The following PLA1A variants were observed in gnomAD, a reference collection of about 807,000 sequenced individuals.
The protein encoded by PLA1A is phosphatidylserine-specific phospholipase A1alpha.
PLA1A carries 47 observed loss-of-function variants against 49.4 expected under a neutral mutation model. That is an observed-to-expected ratio of 0.95 (90% confidence interval 0.75 to 1.21). The LOEUF (loss-of-function observed/expected upper bound fraction) is 1.21. PLA1A is among the 50% of genes most tolerant of loss of function. The pLI is 0.00. For synonymous variants in PLA1A, 224 were observed against 207.9 expected, an observed-to-expected ratio of 1.08 and a Z score of -0.67; for missense variants, 561 against 563.9, an observed-to-expected ratio of 0.99 and a Z score of 0.05.
chr3:119,606,576 A>G (rs2082691129), intron 1 of PLA1A, among the ~76,000 whole-genome samples, 198 bp from the exon 2 acceptor site: 1 of 152,228 alleles, frequency 6.6e-6, no homozygotes, highest in African/African-American at 2.4e-5. Flanking sequence ...GTCCTTAGGC[A>G]TGAAAAATAT....
chr3:119,625,428 A>G (rs1259264579), intron 9 of PLA1A, among the ~76,000 whole-genome samples, 196 bp downstream of exon 9: 3 of 152,202 alleles, frequency 2.0e-5, no homozygotes, highest in African/African-American at 7.2e-5. Flanking sequence ...GGGTCCAAGT[A>G]TAGCAGATTC....
intron 9 of PLA1A, among the ~76,000 whole-genome samples, chr3:119,626,179 A>C (rs901720500): frequency 1.3e-5 from 2 of 152,210 alleles, no homozygotes; most frequent in Admixed American, 1.3e-4. Context: ...TCCACAGGGA[A>C]GGCTGCTTGG....
intron 1 of PLA1A, among the ~76,000 whole-genome samples, chr3:119,604,503 G>A (rs2082660652): frequency 6.6e-6 from 1 of 152,156 alleles, no homozygotes; most frequent in Admixed American, 6.5e-5. Flanking sequence ...AGTGAAATAA[G>A]CCAAGCACAG....
chr3:119,613,190 C>T, intron 5 of PLA1A, 72 bp downstream of exon 5: 1 of 997,626 alleles, frequency 1.0e-6, no homozygotes. Flanking sequence ...GCATCTAGCT[C>T]TGTGGCCCTG....
chr3:119,622,883 G>A (rs1284585690), intron 8 of PLA1A, among the ~76,000 whole-genome samples: 2 of 152,182 alleles, frequency 1.3e-5, no homozygotes, highest in Non-Finnish European at 2.9e-5. Context: ...CTGGAGTGCA[G>A]TGGCACGATC....
chr3:119,616,171 G>C, intron 6 of PLA1A, 70 bp downstream of exon 6: 1 of 901,464 alleles, frequency 1.1e-6, no homozygotes, highest in East Asian at 2.5e-5. Flanking sequence ...CTTTTGTGTT[G>C]AGTCAGCCAG....
chr3:119,624,332 A>T (rs901818786), intron 8 of PLA1A, among the ~76,000 whole-genome samples: 2 of 152,206 alleles, frequency 1.3e-5, no homozygotes, highest in African/African-American at 4.8e-5. Context: ...TTCATTCATG[A>T]TAGTAGAGCC....
chr3:119,626,319 A>G (rs980334638), intron 9 of PLA1A, among the ~76,000 whole-genome samples: 3 of 152,192 alleles, frequency 2.0e-5, no homozygotes, highest in African/African-American at 7.2e-5. Flanking sequence ...AGGGGAATAG[A>G]TCAGTCCAGA....
At chr3:119,628,632 G>C (rs569247768) in intron 9 of PLA1A, 69 bp from the exon 10 acceptor site, 1 of 1,458,274 alleles carries the variant, frequency 6.9e-7, no homozygotes, top group Non-Finnish European at 9.5e-7. Context: ...GAGCCCGATC[G>C]GAGCCAAAGG....
chr3:119,628,973 A>T, intron 10 of PLA1A, 108 bp downstream of exon 10: 1 of 917,128 alleles, frequency 1.1e-6, no homozygotes, highest in Non-Finnish European at 1.7e-6. Context: ...AGTGATTATC[A>T]TCTTAGAAGC....
intron 9 of PLA1A, among the ~76,000 whole-genome samples, chr3:119,626,703 A>G (rs907181456): frequency 1.3e-5 from 2 of 152,188 alleles, no homozygotes; most frequent in Non-Finnish European, 2.9e-5. Flanking sequence ...GCTGTGAGGC[A>G]CTACAAGTTT....
intron 2 of PLA1A, 182 bp downstream of exon 2, chr3:119,607,157 T>C (rs2082700487): frequency 8.2e-6 from 5 of 606,640 alleles, no homozygotes; most frequent in Non-Finnish European, 8.8e-6. Context: ...TGTTCATTCT[T>C]ATTGGTCATA....
In PLA1A at chr3:119,628,727, G is replaced by A. The variant is rs2052580593; in HGVS notation, c.1148G>A (p.Gly383Glu). Residue 383 changes from glycine to glutamate, a missense_variant, in exon 10 of 11, where the codon GGA (glycine) becomes GAA (glutamate). Physicochemically the swap from Gly to Glu is moderately conservative, Grantham distance 98. Coordinates refer to ENST00000273371, the MANE Select transcript of PLA1A (RefSeq NM_015900.4). ...TIPKQQRYGK[G>E]IIAHATPQCQ... ...CCTAAGCAGCAACGCTATGGGAAAG[G>A]AATCATAGCCCATGCCACCCCACAA... 1 of 1,614,096 alleles carries A rather than the reference G, an allele frequency of 6.2e-7. No homozygotes were observed. Among genetic ancestry groups the A allele is most frequent in the Non-Finnish European group, 8.5e-7 (1 of 1,179,954 alleles).
At chr3:119,619,982 G>A (rs997254036) in intron 8 of PLA1A, 34 of 452,340 alleles carry the variant, frequency 7.5e-5, no homozygotes, top group Admixed American at 1.3e-4. Context: ...ACTTCTTGGC[G>A]CCCACCCTAT....
chr3:119,622,335 A>G (rs187806857), intron 8 of PLA1A, among the ~76,000 whole-genome samples: 69 of 151,508 alleles, frequency 4.6e-4, no homozygotes, highest in African/African-American at 1.5e-3. Context: ...TAAGTTAGCT[A>G]TTTTTTCCAC....
chr3:119,615,798 C>T (rs901595571), intron 5 of PLA1A, among the ~76,000 whole-genome samples: 5 of 147,976 alleles, frequency 3.4e-5, no homozygotes, highest in Admixed American at 1.4e-4. Flanking sequence ...GTGACAAGAG[C>T]GAGAGAGCGA....
At position 119,621,862 on chromosome 3, in the gene PLA1A, A is replaced by G. The variant is rs117755178; in HGVS notation, c.1012+2210A>G. Among the ~76,000 whole-genome samples the G allele has an allele frequency of 2.9e-4, 44 of 152,210 alleles. No individual in the cohort carries two copies. The East Asian group carries it at 7.5e-3, about 26-fold the overall frequency. On this transcript the variant is annotated intron_variant, in intron 8 of 10. Coordinates refer to ENST00000273371, the MANE Select transcript of PLA1A (RefSeq NM_015900.4). ...TGAGACATGTTCCTGTGCAGATTTG[A>G]TTCCACTAATTCCCACCCACCCAAC...
intron 2 of PLA1A, among the ~76,000 whole-genome samples, chr3:119,607,704 T>G (rs1354483619): frequency 1.3e-5 from 2 of 152,312 alleles, no homozygotes; most frequent in Non-Finnish European, 2.9e-5. Context: ...TCCTTAGGCA[T>G]CTCTCCTTGC....
chr3:119,613,669 G>C (rs2082800729), intron 5 of PLA1A, among the ~76,000 whole-genome samples: 1 of 152,220 alleles, frequency 6.6e-6, no homozygotes, highest in Non-Finnish European at 1.5e-5. Flanking sequence ...CAAGGCAGGT[G>C]GATCAGGAGG....
Sources: allele counts gnomAD v4.1 joint callset (sites outside exome capture counted in the v4.1 genomes callset), GRCh38; gene constraint gnomAD v4.1.1; transcripts MANE v1.5; gene names NCBI Gene and HGNC (gene_info 2026-07-23, HGNC 2026-07-21).